Variants in TIAM1 observed in about 807,000 individuals in gnomAD.
TIAM1 encodes rho guanine nucleotide exchange factor TIAM1.
TIAM1 carries 65 observed loss-of-function variants against 163.5 expected under a neutral mutation model. The observed-to-expected ratio is 0.40, with a 90% CI of 0.33 to 0.49. The LOEUF is 0.49. Among genes scored for constraint, TIAM1 ranks in the 20% least tolerant of loss-of-function variants. The pLI, the probability that TIAM1 is intolerant of heterozygous loss-of-function variation, is 0.77. For missense variants in TIAM1, 1,789 were observed against 2,044.7 expected, an observed-to-expected ratio of 0.87 and a Z score of 2.41; for synonymous variants, 833 against 810.1, an observed-to-expected ratio of 1.03 and a Z score of -0.48.
At chr21:31,195,345 T>C (rs2085791355) in intron 12 of TIAM1, 40 bp from the exon 13 acceptor site, 2 of 1,413,506 alleles carry the variant, frequency 1.4e-6, no homozygotes, top group African/African-American at 1.4e-5. Flanking sequence ...AATTTCATTA[T>C]AACTAACTTT....
At chr21:31,313,348 T>G (rs1200475882) in intron 2 of TIAM1, among the ~76,000 whole-genome samples, 1 of 152,166 alleles carries the variant, frequency 6.6e-6, no homozygotes, top group Non-Finnish European at 1.5e-5. Context: ...TTGTGTGTTT[T>G]TTTTCCACTA....
intron 1 of TIAM1, among the ~76,000 whole-genome samples, chr21:31,537,277 T>C (rs553860361): frequency 1.1e-4 from 16 of 152,202 alleles, no homozygotes; most frequent in East Asian, 7.7e-4. Flanking sequence ...CTCACCCGCA[T>C]AGGGCTGAAC....
intron 26 of TIAM1, among the ~76,000 whole-genome samples, 198 bp downstream of exon 26, chr21:31,126,867 A>T (rs2082220165): frequency 6.6e-6 from 1 of 152,098 alleles, no homozygotes; most frequent in Non-Finnish European, 1.5e-5. Flanking sequence ...TGACCTCCAT[A>T]TGTGCTCCAA....
At chr21:31,277,807 C>G (rs2073366620) in intron 2 of TIAM1, among the ~76,000 whole-genome samples, 1 of 152,120 alleles carries the variant, frequency 6.6e-6, no homozygotes, top group Admixed American at 6.5e-5. Flanking sequence ...ATCCAAGAAC[C>G]CTCTCTTAGA....
intron 4 of TIAM1, among the ~76,000 whole-genome samples, chr21:31,261,344 G>A (rs1036402511): frequency 2.0e-5 from 3 of 147,834 alleles, no homozygotes; most frequent in African/African-American, 7.5e-5. Context: ...ACCTTTTCAA[G>A]CACGGGGAGG....
At chr21:31,328,307 A>G (rs561241060) in intron 2 of TIAM1, among the ~76,000 whole-genome samples, 2 of 152,322 alleles carry the variant, frequency 1.3e-5, no homozygotes, top group East Asian at 3.9e-4. Context: ...GGACTCAACC[A>G]ACCGTAGATC....
chr21:31,281,579 G>C (rs1433778219), intron 2 of TIAM1, among the ~76,000 whole-genome samples: 2 of 152,186 alleles, frequency 1.3e-5, no homozygotes, highest in African/African-American at 4.8e-5. Context: ...TATGCAATAA[G>C]CACCAACAGC....
At chr21:31,296,905 C>T (rs368064941) in intron 2 of TIAM1, among the ~76,000 whole-genome samples, 19 of 152,246 alleles carry the variant, frequency 1.2e-4, no homozygotes, top group African/African-American at 3.9e-4. Context: ...CCTCATAATC[C>T]GCCCGCCTTG....
chr21:31,461,079 G>A (rs1405246899), intron 2 of TIAM1, among the ~76,000 whole-genome samples: 4 of 152,124 alleles, frequency 2.6e-5, no homozygotes, highest in Non-Finnish European at 4.4e-5. Context: ...ATTAAAATAT[G>A]GGGAACTCCC....
intron 26 of TIAM1, among the ~76,000 whole-genome samples, chr21:31,125,356 A>C (rs2833283): frequency 0.22 from 33,362 of 152,062 alleles, 8,127 homozygotes; most frequent in African/African-American, 0.6. Flanking sequence ...AGGGCTACTA[A>C]ACCCCATGGA....
intron 19 of TIAM1, 89 bp downstream of exon 19, chr21:31,152,547 G>A (rs1052332527): frequency 2.3e-5 from 35 of 1,544,578 alleles, no homozygotes; most frequent in Non-Finnish European, 1.8e-6. Context: ...CCCCACTGTG[G>A]CCCTCCAATG....
Position 31,127,160 on chromosome 21 carries a change from A to T in TIAM1, c.4046-8T>A. 6.2e-7 allele frequency: 1 copy of T among 1,612,914 alleles called. No individual in the cohort carries two copies. The highest frequency in any genetic ancestry group is 1.1e-5 in the South Asian group (1 of 91,060). On this transcript the variant is annotated splice_polypyrimidine_tract_variant and splice_region_variant and intron_variant, in intron 25 of 27. Coordinates refer to ENST00000541036, the MANE Select transcript of TIAM1 (RefSeq NM_001353694.2). ...CGGCATTTGCCTCTGCATCTAAAGA[A>T]ATTAAAACAACAATGAATCAGGGTA... is the stretch of plus-strand genomic sequence containing the variant.
intron 2 of TIAM1, among the ~76,000 whole-genome samples, chr21:31,362,007 G>A (rs2076415610): frequency 6.6e-6 from 1 of 151,958 alleles, no homozygotes; most frequent in Non-Finnish European, 1.5e-5. Context: ...ATAAAAACAT[G>A]TTCCTTGGCT....
At chr21:31,317,701 AC>A (rs1216719386) in intron 2 of TIAM1, among the ~76,000 whole-genome samples, 2 of 152,088 alleles carry the variant, frequency 1.3e-5, no homozygotes, top group African/African-American at 2.4e-5. Context: ...AATCCCTAGA[AC>A]CCAGGAGGCA....
chr21:31,130,120 G>T, intron 25 of TIAM1, 93 bp downstream of exon 25: 314 of 822,260 alleles, frequency 3.8e-4, no homozygotes, highest in Non-Finnish European at 5.2e-4. Context: ...AAAGACGGTA[G>T]AAGAGTTAGA....
At chr21:31,198,775 T>C (rs1164368257) in intron 12 of TIAM1, among the ~76,000 whole-genome samples, 1 of 152,234 alleles carries the variant, frequency 6.6e-6, no homozygotes, top group Non-Finnish European at 1.5e-5. Flanking sequence ...ATAATACTAC[T>C]TCCTAGTTTT....
chr21:31,254,758 A>G (rs1249767968), intron 4 of TIAM1, among the ~76,000 whole-genome samples: 2 of 152,130 alleles, frequency 1.3e-5, no homozygotes, highest in Non-Finnish European at 2.9e-5. Context: ...TCTTACCAAC[A>G]ATGGCTCTTC....
chr21:31,353,727 C>T (rs2076270295), intron 2 of TIAM1, among the ~76,000 whole-genome samples: 2 of 152,076 alleles, frequency 1.3e-5, no homozygotes, highest in South Asian at 2.1e-4. Context: ...GAGGCTGGGA[C>T]CCCAGCTCTC....
At chr21:31,429,690 C>T (rs1224421421) in intron 2 of TIAM1, among the ~76,000 whole-genome samples, 1 of 152,072 alleles carries the variant, frequency 6.6e-6, no homozygotes, top group Non-Finnish European at 1.5e-5. Context: ...CTGCAGCCTC[C>T]CACAGTCCCT....
Sources: allele counts gnomAD v4.1 joint callset (sites outside exome capture counted in the v4.1 genomes callset), GRCh38; gene constraint gnomAD v4.1.1; transcripts MANE v1.5; gene names NCBI Gene and HGNC (gene_info 2026-07-23, HGNC 2026-07-21).